Variants in ROCK1 observed in about 807,000 individuals in gnomAD.
ROCK1 encodes the protein rho-associated protein kinase 1.
In ROCK1, 36 loss-of-function variants were observed where a neutral mutation model predicts 196.8. The observed-to-expected ratio is 0.18, with a 90% CI of 0.14 to 0.24. ROCK1 has a LOEUF of 0.24. Ranked by LOEUF, ROCK1 falls within the 10% of genes least tolerant of loss-of-function variation. The pLI, the probability that ROCK1 is intolerant of heterozygous loss-of-function variation, is 1.00. For missense variants in ROCK1, 920 were observed against 1,562.0 expected, an observed-to-expected ratio of 0.59 and a Z score of 6.93; for synonymous variants, 443 against 515.9, an observed-to-expected ratio of 0.86 and a Z score of 1.91.
At chr18:21,040,432 C>T (rs2036095338) in intron 8 of ROCK1, among the ~76,000 whole-genome samples, 2 of 152,194 alleles carry the variant, frequency 1.3e-5, no homozygotes, top group South Asian at 4.1e-4. Flanking sequence ...CTGATACCAG[C>T]CTCTTTTTTG....
intron 9 of ROCK1, among the ~76,000 whole-genome samples, chr18:21,037,283 C>T (rs2036065872): frequency 6.6e-6 from 1 of 152,044 alleles, no homozygotes. Context: ...TATCCTGCTC[C>T]CACATTACCA....
At chr18:21,091,473 C>T (rs954731817) in intron 1 of ROCK1, among the ~76,000 whole-genome samples, 22 of 151,886 alleles carry the variant, frequency 1.4e-4, no homozygotes, top group African/African-American at 3.9e-4. Flanking sequence ...TGTGGTGGCA[C>T]GCACCTGTAG....
intron 2 of ROCK1, among the ~76,000 whole-genome samples, chr18:21,053,614 T>C (rs760685347): frequency 6.6e-6 from 1 of 152,136 alleles, no homozygotes; most frequent in Non-Finnish European, 1.5e-5. Flanking sequence ...GGCAGGAGGA[T>C]TGCTCAAGGC....
intron 20 of ROCK1, 57 bp downstream of exon 20, chr18:20,984,294 C>CA (rs2035558770): frequency 7.7e-7 from 1 of 1,297,546 alleles, no homozygotes; most frequent in Non-Finnish European, 1.1e-6. Context: ...GTCAAACACA[C>CA]AAGTCAATGA....
chr18:21,008,480 C>T (rs368288139), intron 13 of ROCK1, among the ~76,000 whole-genome samples: 1 of 152,174 alleles, frequency 6.6e-6, no homozygotes, highest in Non-Finnish European at 1.5e-5. Context: ...GCCATGTTGG[C>T]CAGGCTGGTT....
At chr18:21,077,346 A>G (rs535249779) in intron 1 of ROCK1, among the ~76,000 whole-genome samples, 4 of 152,258 alleles carry the variant, frequency 2.6e-5, no homozygotes, top group African/African-American at 9.6e-5. Context: ...CTTGAACCCA[A>G]GAGGGTAGAA....
intron 13 of ROCK1, 92 bp from the exon 14 acceptor site, chr18:21,008,286 A>T: frequency 1.1e-6 from 1 of 918,246 alleles, no homozygotes; most frequent in South Asian, 2.0e-5. Context: ...AAAAACAAGA[A>T]AAAAAAAAAG....
intron 22 of ROCK1, among the ~76,000 whole-genome samples, chr18:20,970,927 T>A (rs1471699639): frequency 6.6e-6 from 1 of 152,160 alleles, no homozygotes; most frequent in East Asian, 1.9e-4. Context: ...GCAAGTCCCT[T>A]ACACTTCCTG....
intron 32 of ROCK1, among the ~76,000 whole-genome samples, chr18:20,952,503 C>T (rs1295302348): frequency 6.6e-6 from 1 of 150,854 alleles, no homozygotes; most frequent in African/African-American, 2.4e-5. Flanking sequence ...AACAGCCAGG[C>T]ATGGTGGCTC....
chr18:21,073,334 T>A (rs547601118), intron 1 of ROCK1, among the ~76,000 whole-genome samples: 3 of 152,258 alleles, frequency 2.0e-5, no homozygotes, highest in African/African-American at 7.2e-5. Flanking sequence ...ACACTTCACA[T>A]TTCCTGAGAA....
At chr18:20,957,979 T>C (rs532530347) in intron 29 of ROCK1, among the ~76,000 whole-genome samples, 17 of 152,314 alleles carry the variant, frequency 1.1e-4, no homozygotes, top group African/African-American at 3.6e-4. Context: ...TACGATTTTT[T>C]TAAATCTTGT....
At chr18:20,952,150 A>G (rs533226430) in intron 32 of ROCK1, among the ~76,000 whole-genome samples, 43 of 152,040 alleles carry the variant, frequency 2.8e-4, no homozygotes, top group African/African-American at 1.0e-3. Context: ...TGGGAGGCCC[A>G]GGAAGGTGCA....
chr18:21,052,911 G>C (rs2036215799), intron 2 of ROCK1, among the ~76,000 whole-genome samples: 3 of 152,210 alleles, frequency 2.0e-5, no homozygotes, highest in Admixed American at 2.0e-4. Context: ...AAATAAATAT[G>C]TAACTTAATT....
At chr18:20,999,367 G>A (rs1343764801) in intron 16 of ROCK1, among the ~76,000 whole-genome samples, 1 of 151,472 alleles carries the variant, frequency 6.6e-6, no homozygotes, top group African/African-American at 2.4e-5. Flanking sequence ...AAGCCTCAGA[G>A]TCAGATACAT....
intron 16 of ROCK1, among the ~76,000 whole-genome samples, chr18:21,004,442 G>C (rs1470759436): frequency 6.6e-6 from 1 of 152,102 alleles, no homozygotes; most frequent in African/African-American, 2.4e-5. Flanking sequence ...TAAGTTGTGT[G>C]CATTATTTTA....
chr18:21,085,825 G>T (rs1453951222), intron 1 of ROCK1, among the ~76,000 whole-genome samples: 2 of 152,076 alleles, frequency 1.3e-5, no homozygotes, highest in Non-Finnish European at 2.9e-5. Flanking sequence ...AACCACACAG[G>T]ACTGTTTTTT....
intron 1 of ROCK1, among the ~76,000 whole-genome samples, chr18:21,075,162 C>A (rs749810741): frequency 9.9e-5 from 15 of 151,844 alleles, no homozygotes; most frequent in Non-Finnish European, 1.6e-4. Context: ...AGTAGTCTGG[C>A]AATGATAAAG....
intron 1 of ROCK1, among the ~76,000 whole-genome samples, chr18:21,085,369 T>C (rs573979517): frequency 3.5e-5 from 2 of 57,190 alleles, no homozygotes; most frequent in South Asian, 7.1e-4. Context: ...GCAAATTTCA[T>C]GTTACGTATA....
chr18:21,072,534 A>G (rs556189093), intron 1 of ROCK1, among the ~76,000 whole-genome samples: 2 of 152,320 alleles, frequency 1.3e-5, no homozygotes, highest in East Asian at 3.9e-4. Flanking sequence ...CTTTTATTCA[A>G]TACTCTGAAG....
Sources: gnomAD v4.1 joint callset for allele counts (sites outside exome capture counted in the v4.1 genomes callset) on GRCh38, gnomAD v4.1.1 for gene constraint, MANE v1.5 for transcripts, NCBI Gene and HGNC (gene_info 2026-07-23, HGNC 2026-07-21) for gene names.